DPP6: variants seen among roughly 807,000 people sequenced by gnomAD.
DPP6 encodes the protein dipeptidyl peptidase like 6, also known as A-type potassium channel modulatory protein DPP6.
A neutral mutation model predicts 122.6 loss-of-function variants in DPP6; 69 were observed. That is an observed-to-expected ratio of 0.56 (90% CI 0.46 to 0.69). The LOEUF (loss-of-function observed/expected upper bound fraction) is 0.69. Among genes scored for constraint, DPP6 ranks in the 30% least tolerant of loss-of-function variants. DPP6 has a pLI of 0.00. For missense variants in DPP6, 928 were observed against 1,116.9 expected (o/e 0.83, Z 2.41); for synonymous variants, 418 against 433.1 (o/e 0.97, Z 0.43).
chr7:154,107,195 C>T (rs1454145105), intron 1 of DPP6, among the ~76,000 whole-genome samples: 1 of 152,126 alleles, frequency 6.6e-6, no homozygotes, highest in Non-Finnish European at 1.5e-5. Flanking sequence ...CTGTGCTCAT[C>T]CACAGATGAA....
At chr7:154,384,082 T>C (rs1813870696) in intron 1 of DPP6, among the ~76,000 whole-genome samples, 1 of 151,900 alleles carries the variant, frequency 6.6e-6, no homozygotes, top group Non-Finnish European at 1.5e-5. Flanking sequence ...CCCCATTCAG[T>C]CTCCCGGGTG....
chr7:154,000,885 A>T (rs963920081), intron 1 of DPP6, among the ~76,000 whole-genome samples: 3 of 152,208 alleles, frequency 2.0e-5, no homozygotes, highest in African/African-American at 7.2e-5. Flanking sequence ...GCTTTAAGTC[A>T]CATTGCTACA....
At chr7:154,610,351 G>A (rs1833830048) in intron 5 of DPP6, among the ~76,000 whole-genome samples, 1 of 152,102 alleles carries the variant, frequency 6.6e-6, no homozygotes, top group South Asian at 2.1e-4. Flanking sequence ...AATATCGATG[G>A]GGAGGCATTT....
chr7:154,784,247 G>A (rs918998523), intron 10 of DPP6, among the ~76,000 whole-genome samples: 3 of 152,116 alleles, frequency 2.0e-5, no homozygotes, highest in African/African-American at 7.2e-5. Flanking sequence ...ATTCTCCTGG[G>A]ACAAGAGGCC....
At chr7:154,257,303 C>T (rs896020818) in intron 1 of DPP6, among the ~76,000 whole-genome samples, 1 of 152,020 alleles carries the variant, frequency 6.6e-6, no homozygotes, top group African/African-American at 2.4e-5. Flanking sequence ...TCGATTTGCT[C>T]TCCTCTCCAA....
At chr7:154,221,012 C>G (rs942706267) in intron 1 of DPP6, among the ~76,000 whole-genome samples, 1 of 152,134 alleles carries the variant, frequency 6.6e-6, no homozygotes, top group Non-Finnish European at 1.5e-5. Flanking sequence ...GATTGAAACT[C>G]AAGTTTGAAG....
At chr7:154,642,006 T>C (rs1836133042) in intron 6 of DPP6, among the ~76,000 whole-genome samples, 1 of 152,224 alleles carries the variant, frequency 6.6e-6, no homozygotes, top group South Asian at 2.1e-4. Context: ...CCATATTCTG[T>C]ATCTGTGGAA....
the DPP6 span, among the ~76,000 whole-genome samples, chr7:153,844,932 T>C: frequency 1.1e-4 from 17 of 152,328 alleles, 1 homozygote; most frequent in Admixed American, 9.8e-4. Flanking sequence ...CATCCTTCAA[T>C]GTTGCTGTGA....
chr7:154,297,069 T>A (rs899478143), intron 1 of DPP6, among the ~76,000 whole-genome samples: 1 of 138,126 alleles, frequency 7.2e-6, no homozygotes, highest in Non-Finnish European at 1.5e-5. Context: ...TTCTGTTTTT[T>A]TTTTTTTGTT....
At chr7:154,141,457 G>T (rs1467026690) in intron 1 of DPP6, among the ~76,000 whole-genome samples, 1 of 152,116 alleles carries the variant, frequency 6.6e-6, no homozygotes, top group Non-Finnish European at 1.5e-5. Context: ...TGCTCTATCT[G>T]ATCACCTTGC....
intron 1 of DPP6, among the ~76,000 whole-genome samples, chr7:154,249,694 G>A (rs1370364161): frequency 6.6e-6 from 1 of 152,138 alleles, no homozygotes; most frequent in East Asian, 1.9e-4. Flanking sequence ...TCTTGAGAAT[G>A]TGTACAATGC....
chr7:154,076,637 G>T (rs556343182), intron 1 of DPP6, among the ~76,000 whole-genome samples: 1 of 150,104 alleles, frequency 6.7e-6, no homozygotes, highest in Non-Finnish European at 1.5e-5. Flanking sequence ...TACAGGATGC[G>T]TACCAAGGTG....
chr7:153,895,760 AC>A (rs1300263982), intron 1 of DPP6, among the ~76,000 whole-genome samples: 11 of 140,658 alleles, frequency 7.8e-5, no homozygotes, highest in Non-Finnish European at 3.1e-5. Flanking sequence ...ACACACACAC[AC>A]ACAATGTTCA....
intron 1 of DPP6, among the ~76,000 whole-genome samples, chr7:154,091,638 C>G (rs1224357399): frequency 7.7e-6 from 1 of 129,598 alleles, no homozygotes; most frequent in Non-Finnish European, 1.8e-5. Context: ...ATCTGACAGG[C>G]AAGGGTCCCT....
At chr7:154,498,405 C>A (rs527868607) in intron 3 of DPP6, among the ~76,000 whole-genome samples, 1 of 152,278 alleles carries the variant, frequency 6.6e-6, no homozygotes, top group South Asian at 2.1e-4. Context: ...GTGGCATGAT[C>A]TCGGGTTACT....
intron 17 of DPP6, among the ~76,000 whole-genome samples, chr7:154,856,119 T>A (rs942604444): frequency 1.3e-5 from 2 of 152,228 alleles, no homozygotes; most frequent in Non-Finnish European, 2.9e-5. Flanking sequence ...AAAAGTTTTT[T>A]CTAATCTGTG....
intron 7 of DPP6, among the ~76,000 whole-genome samples, chr7:154,695,235 G>A (rs538647561): frequency 4.7e-4 from 72 of 152,218 alleles, no homozygotes; most frequent in African/African-American, 1.6e-3. Flanking sequence ...CTCGGCCCCC[G>A]GGTACCTGGA....
At chr7:154,302,233 G>A (rs867025155) in intron 1 of DPP6, among the ~76,000 whole-genome samples, 37 of 152,108 alleles carry the variant, frequency 2.4e-4, no homozygotes, top group African/African-American at 7.7e-4. Flanking sequence ...TTTTGCCTCC[G>A]TGAGTTTGGC....
chr7:154,599,530 C>G (rs1833300751), intron 5 of DPP6, among the ~76,000 whole-genome samples: 1 of 150,832 alleles, frequency 6.6e-6, no homozygotes, highest in Non-Finnish European at 1.5e-5. Context: ...TATCATTATA[C>G]TTTAAGTTCT....
Sources: gnomAD v4.1 joint callset for allele counts (sites outside exome capture counted in the v4.1 genomes callset) on GRCh38, gnomAD v4.1.1 for gene constraint, MANE v1.5 for transcripts, NCBI Gene and HGNC (gene_info 2026-07-23, HGNC 2026-07-21) for gene names.